DEPTOR: variants seen among roughly 807,000 people sequenced by gnomAD.
DEPTOR encodes DEP domain containing MTOR interacting protein.
In DEPTOR, 41 loss-of-function variants were observed where a neutral mutation model predicts 41.6. That is an observed-to-expected ratio of 0.98 (90% CI 0.77 to 1.28). DEPTOR has a LOEUF of 1.28. Among genes scored for constraint, DEPTOR ranks in the 50% most tolerant of loss-of-function variants. DEPTOR has a pLI of 0.00. For missense variants in DEPTOR, 514 were observed against 527.9 expected (o/e 0.97, Z 0.26); for synonymous variants, 195 against 192.3 (o/e 1.01, Z -0.12).
At chr8:120,021,092 G>T (rs1286470056) in intron 8 of DEPTOR, among the ~76,000 whole-genome samples, 1 of 18,722 alleles carries the variant, frequency 5.3e-5, no homozygotes, top group Non-Finnish European at 1.3e-4. Flanking sequence ...ATAAAATAGG[G>T]CTGATAATAG....
intron 8 of DEPTOR, among the ~76,000 whole-genome samples, chr8:120,032,429 C>T (rs1812906258): frequency 6.6e-6 from 1 of 152,086 alleles, no homozygotes; most frequent in African/African-American, 2.4e-5. Flanking sequence ...CCACATTGGC[C>T]AGGCTGGTCT....
At chr8:119,882,188 G>A (rs529168347) in intron 1 of DEPTOR, among the ~76,000 whole-genome samples, 73 of 152,250 alleles carry the variant, frequency 4.8e-4, no homozygotes, top group Admixed American at 8.5e-4. Context: ...ACTGCGCTCG[G>A]CCTTGTAATT....
chr8:119,925,377 G>A (rs1390849603), intron 1 of DEPTOR, among the ~76,000 whole-genome samples: 1 of 151,942 alleles, frequency 6.6e-6, no homozygotes, highest in Non-Finnish European at 1.5e-5. Context: ...GCAACAGAGT[G>A]AGACTCTGCC....
At chr8:119,974,422 C>G (rs1828672071) in intron 4 of DEPTOR, among the ~76,000 whole-genome samples, 2 of 151,972 alleles carry the variant, frequency 1.3e-5, no homozygotes, top group African/African-American at 2.4e-5. Context: ...TGTATGCCCT[C>G]TGTAAATATG....
At chr8:119,962,494 C>A (rs1828506837) in intron 3 of DEPTOR, among the ~76,000 whole-genome samples, 1 of 151,866 alleles carries the variant, frequency 6.6e-6, no homozygotes, top group Non-Finnish European at 1.5e-5. Context: ...ATGGGGATGG[C>A]AAATTCAAAG....
At chr8:119,928,599 AG>A (rs1206548898) in intron 2 of DEPTOR, 21 bp downstream of exon 2, 5 of 1,606,986 alleles carry the variant, frequency 3.1e-6, no homozygotes, top group African/African-American at 1.3e-5. Context: ...TGGCGAGTCA[AG>A]GTGACTTGAG....
chr8:119,926,377 T>A (rs1827964115), intron 1 of DEPTOR, among the ~76,000 whole-genome samples: 1 of 152,206 alleles, frequency 6.6e-6, no homozygotes, highest in Non-Finnish European at 1.5e-5. Flanking sequence ...GTAGTTTCCT[T>A]TCTTTTTTAG....
chr8:119,879,421 A>G (rs974039510), intron 1 of DEPTOR, among the ~76,000 whole-genome samples: 1 of 152,160 alleles, frequency 6.6e-6, no homozygotes, highest in Admixed American at 6.5e-5. Flanking sequence ...CATAATAATC[A>G]AAAACAGGGC....
At chr8:120,034,109 A>C (rs7820543) in intron 8 of DEPTOR, among the ~76,000 whole-genome samples, 64,835 of 151,820 alleles carry the variant, frequency 0.43, 14,486 homozygotes, top group South Asian at 0.59. Context: ...CCCTGGGGGC[A>C]TCCAGCAAAG....
chr8:119,913,859 A>G (rs1243144602), intron 1 of DEPTOR, among the ~76,000 whole-genome samples: 1 of 152,052 alleles, frequency 6.6e-6, no homozygotes, highest in Admixed American at 6.6e-5. Context: ...GGCTTGGACA[A>G]TTGTCAAGTT....
chr8:120,046,527 G>C (rs1276008677), intron 8 of DEPTOR, among the ~76,000 whole-genome samples: 1 of 152,016 alleles, frequency 6.6e-6, no homozygotes, highest in East Asian at 1.9e-4. Context: ...GTAGCATGTT[G>C]TATGTTCCAT....
chr8:119,991,112 CTTTCTTTT>C (rs1563584757), intron 4 of DEPTOR, among the ~76,000 whole-genome samples: 4,188 of 67,146 alleles, frequency 0.062, 227 homozygotes, highest in East Asian at 0.14. Context: ...TTCTTTCTTT[CTTTCTTTT>C]TTTTTTAAAT....
At chr8:119,979,668 T>C (rs776194625) in intron 4 of DEPTOR, among the ~76,000 whole-genome samples, 4 of 139,158 alleles carry the variant, frequency 2.9e-5, no homozygotes, top group Non-Finnish European at 6.3e-5. Context: ...AAGGAAGGCC[T>C]GCGTATCAGG....
At chr8:120,043,391 C>T (rs1813109498) in intron 8 of DEPTOR, among the ~76,000 whole-genome samples, 1 of 152,146 alleles carries the variant, frequency 6.6e-6, no homozygotes, top group Admixed American at 6.5e-5. Flanking sequence ...TCTAAGTTTA[C>T]ATATTATTCA....
At chr8:119,997,877 C>T (rs547083481) in intron 4 of DEPTOR, among the ~76,000 whole-genome samples, 9 of 152,160 alleles carry the variant, frequency 5.9e-5, no homozygotes, top group Middle Eastern at 3.4e-3. Context: ...TTGATAAATG[C>T]GTTAATATGA....
Position 120,023,956 on chromosome 8 carries a change from T to C in DEPTOR, c.1101+14823T>C, listed in dbSNP as rs188767227. On this transcript the variant is annotated intron_variant, in intron 8 of 8. Coordinates refer to ENST00000286234, the MANE Select transcript of DEPTOR (RefSeq NM_022783.4). ...GTCCTTTTTTAAAAAACACATCTCATTGGGCATGGTTGTTCACGCCTGTAA... is the reference window on the plus strand; with the variant it reads ...GTCCTTTTTTAAAAAACACATCTCACTGGGCATGGTTGTTCACGCCTGTAA... Among the ~76,000 whole-genome samples, 532 of 152,150 alleles carry C rather than the reference T, an allele frequency of 3.5e-3. 1 individual carries two copies. Among genetic ancestry groups the C allele is most frequent in the African/African-American group, 0.011 (471 of 41,540 alleles).
chr8:119,928,742 T>C (rs1828001132), intron 2 of DEPTOR, among the ~76,000 whole-genome samples, 164 bp downstream of exon 2: 1 of 121,466 alleles, frequency 8.2e-6, no homozygotes, highest in Non-Finnish European at 1.7e-5. Context: ...TTGGGTTCTT[T>C]CTTTTTTTTT....
chr8:120,006,689 A>T, intron 6 of DEPTOR, 116 bp from the exon 7 acceptor site: 2 of 813,734 alleles, frequency 2.5e-6, no homozygotes, highest in South Asian at 1.7e-5. Flanking sequence ...TGAGGCAGGG[A>T]TCTTTGCCAC....
At chr8:119,945,704 G>A (rs1000405094) in intron 3 of DEPTOR, among the ~76,000 whole-genome samples, 1 of 152,236 alleles carries the variant, frequency 6.6e-6, no homozygotes. Flanking sequence ...AGGGTCAGTT[G>A]ATTCCATCTG....
Sources: gnomAD v4.1 joint callset for allele counts (sites outside exome capture counted in the v4.1 genomes callset) on GRCh38, gnomAD v4.1.1 for gene constraint, MANE v1.5 for transcripts, NCBI Gene and HGNC (gene_info 2026-07-23, HGNC 2026-07-21) for gene names.